Variants in NUDT9 observed in about 807,000 individuals in gnomAD.
The protein encoded by NUDT9 is nudix hydrolase 9.
A neutral mutation model predicts 41.0 loss-of-function variants in NUDT9; 31 were observed. The ratio of observed to expected loss-of-function variants is 0.76; its 90% confidence interval spans 0.57 to 1.02. The LOEUF (loss-of-function observed/expected upper bound fraction) is 1.02, where lower values mean the gene tolerates loss of function less well. Among genes scored for constraint, NUDT9 ranks in the 50% least tolerant of loss-of-function variants. The pLI is 0.00. For missense variants in NUDT9, 380 were observed against 431.4 expected (o/e 0.88, Z 1.06); for synonymous variants, 146 against 147.6 (o/e 0.99, Z 0.08).
At position 87,452,809 on chromosome 4, in the gene NUDT9, GT is replaced by G. The variant is rs376368372; in HGVS notation, c.789+1094del. Among the ~76,000 whole-genome samples, 854 of 110,868 alleles carry G rather than the reference GT, an allele frequency of 7.7e-3. 6 individuals carry two copies. The highest frequency in any genetic ancestry group is 0.024 in the African/African-American group (719 of 29,404). The allele number at this position is 110,868 out of a possible 152,430, so 72.7% of individuals were successfully genotyped here. ...ACACTAATAATAAGAAAATAACAGA[GT>G]TTTTTTTTTTTTTTTTTTTGAGATG... is the stretch of plus-strand genomic sequence containing the variant. On this transcript the variant is annotated intron_variant, in intron 6 of 7. Transcript: ENST00000302174.
At chr4:87,424,513 C>CGGCCTCCCAAAGT (rs1192548473) in intron 1 of NUDT9, among the ~76,000 whole-genome samples, 1 of 152,138 alleles carries the variant, frequency 6.6e-6, no homozygotes, top group Non-Finnish European at 1.5e-5. Flanking sequence ...CCGCCCGTCT[C>CGGCCTCCCAAAGT]GGCCTCCCAA....
At position 87,422,837 on chromosome 4, in the gene NUDT9, T is replaced by TG; in HGVS notation, c.-65dup. ...TACCCGCGGCCGGGACTCGGAGCTG[T>TG]GGGGTGTGGGGAGGCGGAGGCACCA... On this transcript the variant is annotated 5_prime_UTR_variant, in exon 1 of 8. Transcript: ENST00000302174. 1.6e-6 allele frequency: 2 copies of TG among 1,214,778 alleles called. No homozygotes were observed. Among genetic ancestry groups the TG allele is most frequent in the Non-Finnish European group, 2.4e-6 (2 of 845,480 alleles). 75.2% of individuals were successfully genotyped at this position (1,214,778 alleles called of 1,614,324 possible).
intron 1 of NUDT9, among the ~76,000 whole-genome samples, chr4:87,424,159 T>C (rs962618440): frequency 1.3e-5 from 2 of 151,774 alleles, no homozygotes; most frequent in Non-Finnish European, 2.9e-5. Context: ...ATGGTTATTG[T>C]CGCGCTGCCA....
intron 1 of NUDT9, among the ~76,000 whole-genome samples, chr4:87,423,541 T>A (rs1158740724): frequency 6.6e-6 from 1 of 152,170 alleles, no homozygotes; most frequent in Non-Finnish European, 1.5e-5. Flanking sequence ...CCTTCTCCAG[T>A]TTTTATTCTT....
At position 87,457,989 on chromosome 4, in the gene NUDT9, G is replaced by A. The variant is rs146589373; in HGVS notation, c.1021G>A (p.Glu341Lys). ...VAEKRDAHWSEDSEADCHAL is the reference protein window; with the variant it reads ...VAEKRDAHWSKDSEADCHAL ...TGAGAAACGAGATGCACACTGGAGCGAGGACTCTGAAGCTGACTGCCATGC... is the reference window on the plus strand; with the variant it reads ...TGAGAAACGAGATGCACACTGGAGCAAGGACTCTGAAGCTGACTGCCATGC... The change falls in exon 8 of 8, where the codon GAG becomes AAG. Residue 341 changes from glutamate (E) to lysine (K), a missense_variant. Coordinates refer to ENST00000302174, the MANE Select transcript of NUDT9 (RefSeq NM_024047.5). The A allele has an allele frequency of 4.0e-5, 63 of 1,574,614 alleles. 1 individual carries two copies. In the South Asian group the frequency reaches 4.1e-4, roughly 10 times the overall value.
Position 87,449,025 on chromosome 4 carries a change from GATAAATTTATAT to G in NUDT9, c.531-113_531-102del. 3 of 592,198 alleles carry G rather than the reference GATAAATTTATAT, an allele frequency of 5.1e-6. No homozygotes were observed. In the South Asian group the frequency reaches 6.3e-5, roughly 12 times the overall value. The allele number at this position is 592,198 out of a possible 1,614,324, so 36.7% of individuals were successfully genotyped here. ...TTTTAAATAAAACTAGCTGATTTGAGATAAATTTATATATACTCTGCTTTAAAGAAAAAGTCC... is the reference window on the plus strand; with the variant it reads ...TTTTAAATAAAACTAGCTGATTTGAGATACTCTGCTTTAAAGAAAAAGTCC... On this transcript the variant is annotated intron_variant, in intron 4 of 7. Transcript: ENST00000302174.
At chr4:87,438,455 T>A in intron 3 of NUDT9, 83 bp downstream of exon 3, 1 of 719,538 alleles carries the variant, frequency 1.4e-6, no homozygotes, top group Non-Finnish European at 2.5e-6. Flanking sequence ...AATCCTTGTA[T>A]GTGCCAGATG....
chr4:87,423,049 G>C, intron 1 of NUDT9, 37 bp downstream of exon 1: 1 of 1,525,534 alleles, frequency 6.6e-7, no homozygotes, highest in Non-Finnish European at 9.0e-7. Flanking sequence ...CTTTGCCCTA[G>C]ACCTTGAGTT....
Position 87,435,129 on chromosome 4 carries a change from G to C in NUDT9, c.256G>C (p.Gly86Arg). The C allele has an allele frequency of 1.9e-6, 3 of 1,614,174 alleles. No homozygotes were observed. Among genetic ancestry groups the C allele is most frequent in the Non-Finnish European group, 2.5e-6 (3 of 1,180,040 alleles). The change falls in exon 2 of 8, where the codon GGC becomes CGC. Residue 86 changes from glycine to arginine, a missense_variant. Transcript: ENST00000302174. ...ERSQVPNEKVGWLVEWQDYKP... is the reference protein window; with the variant it reads ...ERSQVPNEKVRWLVEWQDYKP... Reference sequence around the variant, plus strand: ...AAGCCAGGTTCCTAATGAGAAAGTGGGCTGGCTTGTTGAGTGGCAAGACTA... The same window carrying C: ...AAGCCAGGTTCCTAATGAGAAAGTGCGCTGGCTTGTTGAGTGGCAAGACTA...
At chr4:87,431,367 C>T (rs1578066807) in intron 1 of NUDT9, among the ~76,000 whole-genome samples, 1 of 152,156 alleles carries the variant, frequency 6.6e-6, no homozygotes, top group Non-Finnish European at 1.5e-5. Context: ...GAACTTGTTT[C>T]TCCCTTTCAA....
At chr4:87,456,689 G>A (rs1465621547) in intron 7 of NUDT9, among the ~76,000 whole-genome samples, 1 of 152,106 alleles carries the variant, frequency 6.6e-6, no homozygotes, top group Non-Finnish European at 1.5e-5. Flanking sequence ...CCAGCGGTAG[G>A]CTTCTCTCCC....
intron 4 of NUDT9, chr4:87,445,403 A>G (rs1049408189): frequency 2.6e-5 from 4 of 152,166 alleles, no homozygotes; most frequent in African/African-American, 9.7e-5. Context: ...TATGCACTTC[A>G]TGATTCAAAA....
rs1284899377 is a variant in NUDT9, at chr4:87,454,446, G to A, written c.865G>A (p.Asp289Asn). The change falls in exon 7 of 8, where the codon GAC (aspartate) becomes AAC (asparagine). Residue 289 changes from aspartate (D) to asparagine (N), a missense_variant. By Grantham distance (23) the Asp-to-Asn change is conservative (BLOSUM62 1). Transcript: ENST00000302174. ...GGAGACAGAAGCTGTGAACTACCAT[G>A]ACGAAACAGGTAACTTTATATTTAT... ...WMETEAVNYH[D>N]ETGEIMDNLM... is the part of the protein sequence containing the mutation. 5.0e-6 allele frequency: 8 copies of A among 1,600,574 alleles called. No homozygotes were observed. Among genetic ancestry groups the A allele is most frequent in the Non-Finnish European group, 6.9e-6 (8 of 1,167,814 alleles).
chr4:87,454,389 G>A lies in NUDT9; in HGVS notation c.808G>A (p.Asp270Asn), dbSNP rs1282270369. The change falls in exon 7 of 8, where the codon GAT becomes AAT. Residue 270 changes from aspartate (D) to asparagine (N), a missense_variant. Asp to Asn is a conservative substitution (Grantham distance 23). Coordinates refer to ENST00000302174, the MANE Select transcript of NUDT9 (RefSeq NM_024047.5). The stretch of plus-strand genomic sequence containing the variant: ...AAAATAGATATATAAGGGATATGTT[G>A]ATGATCCTCGAAACACTGATAATGC... Reference protein sequence around the residue: ...DHLVIYKGYVDDPRNTDNAWM... With the variant: ...DHLVIYKGYVNDPRNTDNAWM... 1.2e-6 allele frequency: 2 copies of A among 1,610,248 alleles called. No homozygotes were observed. The highest frequency in any genetic ancestry group is 2.2e-5 in the East Asian group (1 of 44,830).
At chr4:87,454,571 G>T in intron 7 of NUDT9, 116 bp downstream of exon 7, 1 of 661,062 alleles carries the variant, frequency 1.5e-6, no homozygotes, top group Non-Finnish European at 2.7e-6. Context: ...ACTGTTGATT[G>T]TAGGACTGTA....
intron 6 of NUDT9, 96 bp from the exon 7 acceptor site, chr4:87,454,275 A>G (rs1210985760): frequency 1.4e-6 from 1 of 692,506 alleles, no homozygotes; most frequent in Non-Finnish European, 2.6e-6. Context: ...GTTGGGCAAC[A>G]GGATATTTAC....
chr4:87,437,403 C>T (rs1026482020), intron 2 of NUDT9, among the ~76,000 whole-genome samples: 2 of 151,872 alleles, frequency 1.3e-5, no homozygotes, highest in African/African-American at 2.4e-5. Flanking sequence ...TGCAGTGGCG[C>T]CATCTCGGCT....
intron 4 of NUDT9, among the ~76,000 whole-genome samples, chr4:87,447,091 T>G (rs1722494421): frequency 6.6e-6 from 1 of 152,220 alleles, no homozygotes; most frequent in Non-Finnish European, 1.5e-5. Flanking sequence ...GTTGCCCACT[T>G]TTCTGGTCTA....
rs1331437520 is a variant in NUDT9, at chr4:87,457,960, T to A, written c.992T>A (p.Val331Glu). The A allele has an allele frequency of 9.4e-6, 15 of 1,595,592 alleles. No homozygotes were observed. Among genetic ancestry groups the A allele is most frequent in the Non-Finnish European group, 1.3e-5 (15 of 1,174,310 alleles). ...YASHSQFIKLVAEKRDAHWSE... is the reference protein window; with the variant it reads ...YASHSQFIKLEAEKRDAHWSE... ...AGTCACTCTCAATTCATCAAACTTGTGGCTGAGAAACGAGATGCACACTGG... is the reference window on the plus strand; with the variant it reads ...AGTCACTCTCAATTCATCAAACTTGAGGCTGAGAAACGAGATGCACACTGG... Residue 331 changes from valine to glutamate, a missense_variant, in exon 8 of 8, where the codon GTG becomes GAG. Transcript: ENST00000302174.
Sources: allele counts gnomAD v4.1 joint callset (sites outside exome capture counted in the v4.1 genomes callset), GRCh38; gene constraint gnomAD v4.1.1; transcripts MANE v1.5; gene names NCBI Gene and HGNC (gene_info 2026-07-23, HGNC 2026-07-21).